RAD51B: variants seen among roughly 807,000 people sequenced by gnomAD.
RAD51B encodes DNA repair protein RAD51 homolog 2.
RAD51B carries 38 observed loss-of-function variants against 42.2 expected under a neutral mutation model. The observed-to-expected ratio is 0.90, with a 90% CI of 0.70 to 1.18. RAD51B has a LOEUF of 1.18. RAD51B is among the 50% of genes most tolerant of loss of function. RAD51B has a pLI of 0.00. For missense variants in RAD51B, 373 were observed against 400.7 expected (o/e 0.93, Z 0.59); for synonymous variants, 154 against 145.2 (o/e 1.06, Z -0.43).
At chr14:68,542,114 T>C (rs1888000216) in intron 10 of RAD51B, among the ~76,000 whole-genome samples, 1 of 152,226 alleles carries the variant, frequency 6.6e-6, no homozygotes, top group African/African-American at 2.4e-5. Flanking sequence ...TAAAATGTCT[T>C]GTCAATTATG....
chr14:67,949,046 G>A (rs2074392902), intron 7 of RAD51B, among the ~76,000 whole-genome samples: 1 of 151,330 alleles, frequency 6.6e-6, no homozygotes, highest in African/African-American at 2.4e-5. Context: ...GCTTTTTGCT[G>A]GTGGAGGGTC....
chr14:68,532,019 A>G (rs1176857976), intron 10 of RAD51B, among the ~76,000 whole-genome samples: 1 of 152,188 alleles, frequency 6.6e-6, no homozygotes, highest in African/African-American at 2.4e-5. Flanking sequence ...AACAATAGAG[A>G]ATATATGTTC....
At chr14:68,048,132 A>G (rs543510132) in intron 7 of RAD51B, among the ~76,000 whole-genome samples, 1 of 152,350 alleles carries the variant, frequency 6.6e-6, no homozygotes, top group East Asian at 1.9e-4. Flanking sequence ...ACATTCTTTA[A>G]GTATTTAATA....
chr14:67,864,961 C>CTTTTTTTTTTTT lies in RAD51B; in HGVS notation c.316-14_316-3dup, dbSNP rs745505141. On this transcript the variant is annotated intron_variant, in intron 4 of 10. Transcript: ENST00000471583. ...TGGCTTGTGATGTTTATCTAAAAAA[C>CTTTTTTTTTTTT]TTTTTTTTTTTTTTTTTTTTTTTTT... The CTTTTTTTTTTTT allele has an allele frequency of 8.4e-4, 545 of 645,056 alleles. 266 individuals carry two copies. Among genetic ancestry groups the CTTTTTTTTTTTT allele is most frequent in the East Asian group, 2.7e-3 (28 of 10,510 alleles). 40.0% of individuals were successfully genotyped at this position (645,056 alleles called of 1,614,324 possible).
At chr14:68,281,151 A>T (rs7148416) in intron 7 of RAD51B, among the ~76,000 whole-genome samples, 65,187 of 152,016 alleles carry the variant, frequency 0.43, 18,127 homozygotes, top group African/African-American at 0.8. Flanking sequence ...TAGCAAAGAT[A>T]TCATGGAAAA....
intron 11 of RAD51B, among the ~76,000 whole-genome samples, chr14:68,673,891 C>T (rs559373810): frequency 2.0e-5 from 3 of 150,644 alleles, no homozygotes; most frequent in Non-Finnish European, 4.4e-5. Context: ...CACATGTATA[C>T]ATGCACACAC....
chr14:68,576,364 G>A (rs183530127), intron 10 of RAD51B, among the ~76,000 whole-genome samples: 8 of 152,274 alleles, frequency 5.3e-5, no homozygotes, highest in East Asian at 3.9e-4. Context: ...CCTCCTTTTC[G>A]TGATTAGGAT....
At chr14:67,849,217 T>A (rs963412611) in intron 4 of RAD51B, among the ~76,000 whole-genome samples, 3 of 152,236 alleles carry the variant, frequency 2.0e-5, no homozygotes, top group Non-Finnish European at 4.4e-5. Context: ...TTGGTTGCTT[T>A]ACGTAATCCC....
intron 7 of RAD51B, among the ~76,000 whole-genome samples, chr14:68,032,938 C>T (rs1202881974): frequency 2.0e-5 from 3 of 152,118 alleles, no homozygotes; most frequent in Non-Finnish European, 4.4e-5. Context: ...CCTCTGCTGC[C>T]TTCCTGATCC....
intron 10 of RAD51B, among the ~76,000 whole-genome samples, chr14:68,555,439 A>T (rs1392377089): frequency 6.6e-6 from 1 of 152,108 alleles, no homozygotes; most frequent in Admixed American, 6.5e-5. Flanking sequence ...GGGACACATG[A>T]TCTTGGAGGG....
chr14:68,212,864 G>C (rs1690745059), intron 7 of RAD51B, among the ~76,000 whole-genome samples: 1 of 152,160 alleles, frequency 6.6e-6, no homozygotes, highest in Admixed American at 6.5e-5. Flanking sequence ...TCATCTTATT[G>C]GTTATGGAAA....
chr14:68,023,619 A>T (rs1206529072), intron 7 of RAD51B, among the ~76,000 whole-genome samples: 1 of 152,148 alleles, frequency 6.6e-6, no homozygotes, highest in Non-Finnish European at 1.5e-5. Context: ...GAGGCACCGC[A>T]CCTGACCTGC....
At chr14:68,554,038 A>G (rs938642456) in intron 10 of RAD51B, among the ~76,000 whole-genome samples, 11 of 152,186 alleles carry the variant, frequency 7.2e-5, no homozygotes, top group African/African-American at 2.4e-4. Flanking sequence ...TATACAATAC[A>G]TAAGTCCAAT....
chr14:68,413,448 G>A (rs1249203724), intron 9 of RAD51B, among the ~76,000 whole-genome samples: 4 of 152,152 alleles, frequency 2.6e-5, no homozygotes, highest in Non-Finnish European at 5.9e-5. Flanking sequence ...ATAAGAAGCA[G>A]ACTTAAATGC....
At chr14:67,966,310 A>G (rs537677682) in intron 7 of RAD51B, among the ~76,000 whole-genome samples, 1 of 152,326 alleles carries the variant, frequency 6.6e-6, no homozygotes, top group African/African-American at 2.4e-5. Context: ...AGAGGGAAAT[A>G]GCAGCTCTTT....
rs565087002 is a variant in RAD51B, at chr14:68,089,611, C to T, written c.757-202273C>T. ...AACAAAGCCATACATCCCAATCTGC[C>T]TGGGCCTCTCAAATTGAGACCATGC... On this transcript the variant is annotated intron_variant, in intron 7 of 10. Transcript: ENST00000471583. Among the ~76,000 whole-genome samples the T allele has an allele frequency of 3.9e-5, 6 of 152,314 alleles. No homozygotes were observed. In the South Asian group the frequency reaches 1.2e-3, roughly 32 times the overall value.
intron 7 of RAD51B, among the ~76,000 whole-genome samples, chr14:68,199,054 T>A (rs1391623995): frequency 6.6e-6 from 1 of 152,240 alleles, no homozygotes; most frequent in Non-Finnish European, 1.5e-5. Context: ...ATCTGCCCAA[T>A]GAATTCTTTT....
At chr14:68,048,757 A>G (rs1211158869) in intron 7 of RAD51B, among the ~76,000 whole-genome samples, 1 of 152,198 alleles carries the variant, frequency 6.6e-6, no homozygotes, top group Non-Finnish European at 1.5e-5. Context: ...TACACTGTTG[A>G]TGTGATTGTA....
At chr14:68,400,391 T>C (rs2084065727) in intron 8 of RAD51B, among the ~76,000 whole-genome samples, 2 of 152,240 alleles carry the variant, frequency 1.3e-5, no homozygotes, top group Admixed American at 1.3e-4. Flanking sequence ...CTGAGGGTGA[T>C]GTTTTTTCCA....
Sources: gnomAD v4.1 joint callset for allele counts (sites outside exome capture counted in the v4.1 genomes callset) on GRCh38, gnomAD v4.1.1 for gene constraint, MANE v1.5 for transcripts, NCBI Gene and HGNC (gene_info 2026-07-23, HGNC 2026-07-21) for gene names.